Variants in LINC00632 observed in about 807,000 individuals in gnomAD.
The protein encoded by LINC00632 is long independently transcribed non-coding RNA 632.
chrX:140,771,610 T>TAC (rs1931793471), intron 3 of LINC00632, among the ~76,000 whole-genome samples: 1 of 43,641 alleles, frequency 2.3e-5, no homozygotes, highest in African/African-American at 1.1e-4. Context: ...ATTTGGCATA[T>TAC]ATACACACAC....
exon 5 of LINC00632, among the ~76,000 whole-genome samples, chrX:140,786,435 G>A (rs1446576160): frequency 9.0e-6 from 1 of 111,429 alleles, no homozygotes; most frequent in Non-Finnish European, 1.9e-5. Context: ...TATTTATTGT[G>A]ACTCTGAAGA....
At chrX:140,790,276 C>CTTA (rs1932087987) in exon 5 of LINC00632, among the ~76,000 whole-genome samples, 1 of 108,333 alleles carries the variant, frequency 9.2e-6, no homozygotes, top group East Asian at 2.9e-4. Context: ...GGAATCTAAG[C>CTTA]TTATTTTTTT....
intron 3 of LINC00632, among the ~76,000 whole-genome samples, chrX:140,754,193 T>G (rs1931457449): frequency 8.9e-6 from 1 of 111,808 alleles, no homozygotes; most frequent in Non-Finnish European, 1.9e-5. Context: ...GCACTTAGTC[T>G]TGGATGCACA....
At chrX:140,791,188 T>C (rs990537685) in exon 5 of LINC00632, among the ~76,000 whole-genome samples, 2 of 111,548 alleles carry the variant, frequency 1.8e-5, no homozygotes, top group Non-Finnish European at 3.8e-5. Context: ...GATTGACTTA[T>C]AATTTTATCA....
At chrX:140,751,340 A>G (rs1186725629) in intron 3 of LINC00632, among the ~76,000 whole-genome samples, 2 of 99,785 alleles carry the variant, frequency 2.0e-5, no homozygotes, top group Non-Finnish European at 4.0e-5. Context: ...GTGGTATTTC[A>G]TGGTGGTTTT....
intron 3 of LINC00632, among the ~76,000 whole-genome samples, chrX:140,747,721 A>C (rs1931347972): frequency 9.0e-6 from 1 of 111,176 alleles, no homozygotes; most frequent in African/African-American, 3.3e-5. Context: ...TTATTTTTGA[A>C]GACGTGGAAT....
intron 2 of LINC00632, among the ~76,000 whole-genome samples, chrX:140,732,099 G>C (rs1931067014): frequency 1.8e-5 from 2 of 111,191 alleles, no homozygotes; most frequent in South Asian, 7.6e-4. Context: ...AGCTACTTGG[G>C]AGGCTGAGGC....
At chrX:140,789,050 T>TATC (rs1446664369) in exon 5 of LINC00632, among the ~76,000 whole-genome samples, 1 of 108,359 alleles carries the variant, frequency 9.2e-6, no homozygotes, top group East Asian at 2.9e-4. Context: ...TAATCCTATC[T>TATC]ATCTCCCAGA....
exon 5 of LINC00632, among the ~76,000 whole-genome samples, chrX:140,789,167 A>AAAG (rs1932070225): frequency 9.2e-6 from 1 of 109,111 alleles, no homozygotes; most frequent in Non-Finnish European, 1.9e-5. Flanking sequence ...AGTGAGAAGA[A>AAAG]AAGTGTTGAT....
chrX:140,719,683 G>C (rs1467873830), intron 2 of LINC00632, among the ~76,000 whole-genome samples: 2 of 110,698 alleles, frequency 1.8e-5, no homozygotes, highest in African/African-American at 6.6e-5. Context: ...TCCCACAAAG[G>C]ATGGTCCACA....
At chrX:140,782,334 A>T (rs1018794205) in exon 5 of LINC00632, 37 of 112,008 alleles carry the variant, frequency 3.3e-4, no homozygotes, top group African/African-American at 1.2e-3. Flanking sequence ...ACAGCTTCCA[A>T]CATCTTTAAT....
chrX:140,759,821 G>C (rs151008025), intron 3 of LINC00632, among the ~76,000 whole-genome samples: 2 of 111,705 alleles, frequency 1.8e-5, no homozygotes, highest in African/African-American at 6.5e-5. Flanking sequence ...TCCAACCATA[G>C]GGTGCTGATA....
intron 3 of LINC00632, among the ~76,000 whole-genome samples, chrX:140,771,685 A>ATTTT (rs1265088053): frequency 4.5e-4 from 28 of 61,610 alleles, no homozygotes; most frequent in African/African-American, 1.9e-3. Flanking sequence ...ATATATATAT[A>ATTTT]TTTTTTTTTT....
At chrX:140,730,421 A>G (rs1410751920) in intron 2 of LINC00632, among the ~76,000 whole-genome samples, 1 of 110,834 alleles carries the variant, frequency 9.0e-6, no homozygotes, top group Non-Finnish European at 1.9e-5. Flanking sequence ...TAACAAAAAG[A>G]TGTTCTCTGC....
intron 2 of LINC00632, among the ~76,000 whole-genome samples, chrX:140,723,452 C>CCATACA (rs375229739): frequency 0.19 from 1,789 of 9,421 alleles, 96 homozygotes; most frequent in African/African-American, 0.22. Flanking sequence ...CACACACATT[C>CCATACA]CACACACACA....
intron 3 of LINC00632, among the ~76,000 whole-genome samples, chrX:140,742,876 A>AAGGAAGG (rs1556023982): frequency 1.2e-5 from 1 of 86,010 alleles, no homozygotes; most frequent in African/African-American, 5.1e-5. Context: ...AGAGAGAGAG[A>AAGGAAGG]GAGGAAGGAA....
intron 2 of LINC00632, among the ~76,000 whole-genome samples, chrX:140,724,499 C>CACACACACATTCCAT (rs1930874541): frequency 7.4e-4 from 1 of 1,349 alleles, no homozygotes. Flanking sequence ...ACATTCCATA[C>CACACACACATTCCAT]ACACACACAT....
At chrX:140,754,066 G>A (rs1214144085) in intron 3 of LINC00632, among the ~76,000 whole-genome samples, 2 of 111,625 alleles carry the variant, frequency 1.8e-5, no homozygotes, top group East Asian at 2.8e-4. Context: ...GGGCCACCGC[G>A]TCCGGCTAGC....
At chrX:140,785,013 G>GT (rs1343578017) in exon 5 of LINC00632, 7 of 118,629 alleles carry the variant, frequency 5.9e-5, no homozygotes, top group African/African-American at 2.0e-4. Flanking sequence ...AGTGCTTACG[G>GT]TTTTTATACA....
Sources: gnomAD v4.1 joint callset for allele counts (sites outside exome capture counted in the v4.1 genomes callset) on GRCh38, gnomAD v4.1.1 for gene constraint, MANE v1.5 for transcripts, NCBI Gene and HGNC (gene_info 2026-07-23, HGNC 2026-07-21) for gene names.